RNF180: variants seen among roughly 807,000 people sequenced by gnomAD.
RNF180 encodes the protein E3 ubiquitin-protein ligase RNF180.
RNF180 carries 38 observed loss-of-function variants against 59.2 expected under a neutral mutation model. The ratio of observed to expected loss-of-function variants is 0.64; its 90% CI spans 0.50 to 0.84. The LOEUF (loss-of-function observed/expected upper bound fraction) is 0.84. Ranked by LOEUF, RNF180 falls within the 40% of genes least tolerant of loss-of-function variation. RNF180 has a pLI of 0.00. For missense variants in RNF180, 705 were observed against 700.9 expected (o/e 1.01, Z -0.07); for synonymous variants, 262 against 240.3 (o/e 1.09, Z -0.84).
intron 7 of RNF180, among the ~76,000 whole-genome samples, chr5:64,331,126 C>G (rs550339080): frequency 4.5e-4 from 69 of 152,342 alleles, no homozygotes; most frequent in Non-Finnish European, 8.7e-4. Context: ...TAGGCCCACT[C>G]CAAACTCTGG....
intron 5 of RNF180, among the ~76,000 whole-genome samples, chr5:64,235,586 T>C (rs532098974): frequency 2.6e-4 from 40 of 151,808 alleles, no homozygotes; most frequent in African/African-American, 8.9e-4. Flanking sequence ...ATTCCAAAGT[T>C]TTCTAGGATA....
chr5:64,224,685 T>C (rs1317578513), intron 5 of RNF180, among the ~76,000 whole-genome samples: 1 of 152,068 alleles, frequency 6.6e-6, no homozygotes, highest in Non-Finnish European at 1.5e-5. Flanking sequence ...GAAATGTCAG[T>C]TGGGAGGTAG....
At chr5:64,240,413 TA>T (rs1742737832) in intron 5 of RNF180, among the ~76,000 whole-genome samples, 1 of 152,192 alleles carries the variant, frequency 6.6e-6, no homozygotes, top group Admixed American at 6.5e-5. Flanking sequence ...AATATATTTA[TA>T]ATAGAGTCTA....
At chr5:64,254,741 C>T (rs746046468) in intron 5 of RNF180, among the ~76,000 whole-genome samples, 10 of 152,070 alleles carry the variant, frequency 6.6e-5, no homozygotes, top group Non-Finnish European at 1.5e-4. Flanking sequence ...TCTATCTTTG[C>T]ATAAAATAAT....
intron 1 of RNF180, among the ~76,000 whole-genome samples, chr5:64,194,288 AATG>A (rs769803612): frequency 2.0e-5 from 3 of 152,050 alleles, no homozygotes; most frequent in Non-Finnish European, 4.4e-5. Flanking sequence ...GTTTGCTGAG[AATG>A]ATGGTTTCCA....
chr5:64,350,940 G>T (rs1405403235), intron 7 of RNF180, among the ~76,000 whole-genome samples: 3 of 152,040 alleles, frequency 2.0e-5, no homozygotes, highest in Admixed American at 6.6e-5. Flanking sequence ...TTCCAATTCT[G>T]TGAAGAAAGT....
chr5:64,251,806 A>T (rs1244903788), intron 5 of RNF180, among the ~76,000 whole-genome samples: 2 of 151,968 alleles, frequency 1.3e-5, no homozygotes, highest in Admixed American at 1.3e-4. Flanking sequence ...CACACAGTGA[A>T]CTATCTGAAA....
At chr5:64,193,565 C>G (rs113398782) in intron 1 of RNF180, among the ~76,000 whole-genome samples, 66 of 152,142 alleles carry the variant, frequency 4.3e-4, no homozygotes, top group African/African-American at 1.3e-3. Context: ...CTATCTTGGC[C>G]CATTCCCAAT....
At chr5:64,208,850 ATAT>A (rs1285012460) in intron 2 of RNF180, among the ~76,000 whole-genome samples, 2 of 151,970 alleles carry the variant, frequency 1.3e-5, no homozygotes, top group African/African-American at 4.8e-5. Context: ...ATGCTGTTTT[ATAT>A]TATTTTTTCT....
intron 2 of RNF180, among the ~76,000 whole-genome samples, 165 bp downstream of exon 2, chr5:64,201,107 C>G (rs1419661502): frequency 6.6e-6 from 1 of 152,174 alleles, no homozygotes; most frequent in Non-Finnish European, 1.5e-5. Flanking sequence ...TGAAAACATT[C>G]TAAAATGGTA....
At chr5:64,197,944 A>G (rs73761476) in intron 1 of RNF180, among the ~76,000 whole-genome samples, 2,634 of 152,170 alleles carry the variant, frequency 0.017, 67 homozygotes, top group African/African-American at 0.06. Flanking sequence ...TCCTTATACT[A>G]TATATTTGAG....
At chr5:64,302,585 A>T (rs190645148) in intron 5 of RNF180, among the ~76,000 whole-genome samples, 3 of 151,622 alleles carry the variant, frequency 2.0e-5, no homozygotes. Context: ...CCATGCAAGA[A>T]GCTGTCATGG....
Position 64,165,852 on chromosome 5 carries a change from T to A in RNF180, c.-102T>A, listed in dbSNP as rs1475043875. 6.6e-6 allele frequency: 1 copy of A among 152,022 alleles called. No individual in the cohort carries two copies. The highest frequency in any genetic ancestry group is 1.5e-5 in the Non-Finnish European group (1 of 68,032). 9.4% of individuals were successfully genotyped at this position (152,022 alleles called of 1,614,324 possible). On this transcript the variant is annotated 5_prime_UTR_variant, in exon 1 of 8. Transcript: ENST00000389100. ...CGCTTCCCGTCTCGCCGAACCGGCATCGCCGCCGCCGGAGCCGCAGCGAGT... is the reference window on the plus strand; with the variant it reads ...CGCTTCCCGTCTCGCCGAACCGGCAACGCCGCCGCCGGAGCCGCAGCGAGT...
chr5:64,257,692 T>C (rs879258357), intron 5 of RNF180, among the ~76,000 whole-genome samples: 1 of 152,264 alleles, frequency 6.6e-6, no homozygotes, highest in African/African-American at 2.4e-5. Context: ...TCTGCCAGGC[T>C]TTGGTATCAG....
chr5:64,343,744 T>A (rs894151364), intron 7 of RNF180, among the ~76,000 whole-genome samples: 4 of 151,740 alleles, frequency 2.6e-5, no homozygotes, highest in African/African-American at 9.7e-5. Flanking sequence ...AATGGCTTAC[T>A]GCTAACCAAG....
chr5:64,318,700 A>G lies in RNF180; in HGVS notation c.1228-6486A>G, dbSNP rs116667917. Among the ~76,000 whole-genome samples, 1,120 of 152,298 alleles carry G rather than the reference A, an allele frequency of 7.4e-3. 7 individuals carry two copies. Among genetic ancestry groups the G allele is most frequent in the Middle Eastern group, 0.01 (3 of 294 alleles). On this transcript the variant is annotated intron_variant, in intron 5 of 7. Coordinates refer to ENST00000389100, the MANE Select transcript of RNF180 (RefSeq NM_001113561.2). ...AAAGTGGGATTATAGAAAAGGGTAT[A>G]TTTTTAAAATAATAAATGTATCATA...
chr5:64,200,536 C>A (rs1040082546), intron 1 of RNF180, among the ~76,000 whole-genome samples: 1 of 151,978 alleles, frequency 6.6e-6, no homozygotes. Flanking sequence ...TAGTGAGAGA[C>A]AAATGAAAAG....
intron 5 of RNF180, among the ~76,000 whole-genome samples, chr5:64,249,286 T>TA (rs1010375682): frequency 5.8e-4 from 89 of 152,160 alleles, no homozygotes; most frequent in African/African-American, 2.1e-3. Flanking sequence ...TGTCAAAACT[T>TA]AAAGACAGAG....
rs147829190 is a variant in RNF180, at chr5:64,175,517, A to C, written c.-1+9564A>C. 7.5e-3 allele frequency among the ~76,000 whole-genome samples: 1,140 copies of C among 152,124 alleles called. 13 individuals are homozygous for C. Among genetic ancestry groups the C allele is most frequent in the African/African-American group, 0.027 (1,105 of 41,502 alleles). On this transcript the variant is annotated intron_variant, in intron 1 of 7. Transcript: ENST00000389100. ...GCAGTACCATACCATTTTGATTACT[A>C]TAGTTTTGTAGTATATTTTGAAGCC...
Sources: allele counts gnomAD v4.1 joint callset (sites outside exome capture counted in the v4.1 genomes callset), GRCh38; gene constraint gnomAD v4.1.1; transcripts MANE v1.5; gene names NCBI Gene and HGNC (gene_info 2026-07-23, HGNC 2026-07-21).